BRINP3: variants seen among roughly 807,000 people sequenced by gnomAD.
The protein encoded by BRINP3 is BMP/retinoic acid-inducible neural-specific protein 3.
Under a neutral mutation model 71.0 loss-of-function variants are expected in BRINP3, and 19 were observed. The ratio of observed to expected loss-of-function variants is 0.27; its 90% CI spans 0.19 to 0.39. BRINP3 has a LOEUF of 0.39. Among genes scored for constraint, BRINP3 ranks in the 10% least tolerant of loss-of-function variants. BRINP3 has a pLI of 1.00. For missense variants in BRINP3, 959 were observed against 940.8 expected, an observed-to-expected ratio of 1.02 and a Z score of -0.25; for synonymous variants, 380 against 337.7, an observed-to-expected ratio of 1.13 and a Z score of -1.37.
intron 6 of BRINP3, among the ~76,000 whole-genome samples, chr1:190,203,889 G>A (rs1229016486): frequency 2.1e-5 from 3 of 144,692 alleles, no homozygotes; most frequent in Non-Finnish European, 3.0e-5. Flanking sequence ...ATTTCAAACT[G>A]AAATAATGAT....
intron 5 of BRINP3, among the ~76,000 whole-genome samples, chr1:190,233,592 T>C (rs564837944): frequency 6.6e-6 from 1 of 152,178 alleles, no homozygotes; most frequent in Non-Finnish European, 1.5e-5. Context: ...CTCTAAGTTA[T>C]GCAATTCAAA....
chr1:190,288,959 G>T (rs983703418), intron 2 of BRINP3, among the ~76,000 whole-genome samples: 4 of 151,594 alleles, frequency 2.6e-5, no homozygotes, highest in Admixed American at 6.6e-5. Flanking sequence ...CAATTATTTA[G>T]GCAACATTTC....
At chr1:190,300,115 A>T (rs1466427438) in intron 2 of BRINP3, among the ~76,000 whole-genome samples, 1 of 152,116 alleles carries the variant, frequency 6.6e-6, no homozygotes, top group African/African-American at 2.4e-5. Context: ...AGATTGTGGA[A>T]GTTCTCCTGG....
chr1:190,359,197 C>T (rs1184208865), intron 2 of BRINP3, among the ~76,000 whole-genome samples: 1 of 151,736 alleles, frequency 6.6e-6, no homozygotes, highest in East Asian at 1.9e-4. Context: ...AAAACAAAAG[C>T]TATTAAAACA....
chr1:190,164,825 A>G (rs1651347061), intron 6 of BRINP3, among the ~76,000 whole-genome samples: 1 of 151,592 alleles, frequency 6.6e-6, no homozygotes, highest in East Asian at 1.9e-4. Context: ...CTCCCATCTC[A>G]TCGACCCAAA....
chr1:190,329,022 T>G (rs1267452049), intron 2 of BRINP3, among the ~76,000 whole-genome samples: 2 of 151,918 alleles, frequency 1.3e-5, no homozygotes. Context: ...GGCACATACC[T>G]CGAAATAATA....
intron 2 of BRINP3, among the ~76,000 whole-genome samples, chr1:190,384,614 A>C (rs1332421743): frequency 1.3e-5 from 2 of 151,976 alleles, no homozygotes; most frequent in African/African-American, 4.8e-5. Flanking sequence ...CACTACTCCA[A>C]GTCTTTTTCT....
chr1:190,396,220 C>T (rs1021833498), intron 2 of BRINP3, among the ~76,000 whole-genome samples: 5 of 151,890 alleles, frequency 3.3e-5, no homozygotes, highest in African/African-American at 1.2e-4. Flanking sequence ...TTGAAATCCA[C>T]AGGCAACTTC....
At chr1:190,177,310 C>A (rs1652621700) in intron 6 of BRINP3, among the ~76,000 whole-genome samples, 1 of 149,764 alleles carries the variant, frequency 6.7e-6, no homozygotes, top group Admixed American at 6.6e-5. Flanking sequence ...CTACAGGCGC[C>A]CATTACCATG....
chr1:190,221,669 A>C (rs866055590), intron 6 of BRINP3, among the ~76,000 whole-genome samples: 1 of 152,130 alleles, frequency 6.6e-6, no homozygotes, highest in Non-Finnish European at 1.5e-5. Flanking sequence ...TGCCTTCAAA[A>C]AATCCACTTA....
Position 190,321,918 on chromosome 1 carries a change from G to T in BRINP3, c.237-40168C>A, listed in dbSNP as rs1053882350. On this transcript the variant is annotated intron_variant, in intron 2 of 7. Coordinates refer to ENST00000367462, the MANE Select transcript of BRINP3 (RefSeq NM_199051.3). ...ATGTTGTTGTTCATGTTACATGCAA[G>T]AAAAAGTATAAGCCTACAATTATTA... 2.0e-5 allele frequency among the ~76,000 whole-genome samples: 3 copies of T among 151,996 alleles called. No individual in the cohort carries two copies. In the South Asian group the frequency reaches 6.2e-4, roughly 32 times the overall value.
intron 2 of BRINP3, among the ~76,000 whole-genome samples, chr1:190,415,618 C>T (rs976565723): frequency 6.6e-6 from 1 of 152,118 alleles, no homozygotes; most frequent in Non-Finnish European, 1.5e-5. Flanking sequence ...TTTAAAAAAT[C>T]TTCAGCTGGG....
At chr1:190,169,978 C>G (rs1191872411) in intron 6 of BRINP3, among the ~76,000 whole-genome samples, 1 of 151,986 alleles carries the variant, frequency 6.6e-6, no homozygotes, top group African/African-American at 2.4e-5. Flanking sequence ...GCAAGCTGTT[C>G]AAAGTGACAC....
intron 2 of BRINP3, among the ~76,000 whole-genome samples, chr1:190,324,688 A>T (rs1272729235): frequency 4.6e-5 from 7 of 151,894 alleles, no homozygotes; most frequent in African/African-American, 1.7e-4. Context: ...CTAAAATATT[A>T]TTTGTAATAT....
intron 5 of BRINP3, among the ~76,000 whole-genome samples, chr1:190,231,611 T>A (rs1004079802): frequency 6.6e-6 from 1 of 151,846 alleles, no homozygotes; most frequent in Non-Finnish European, 1.5e-5. Context: ...TTGAAAAAAA[T>A]TGAAGTATTA....
At chr1:190,156,714 C>T (rs187891391) in intron 7 of BRINP3, among the ~76,000 whole-genome samples, 1 of 151,326 alleles carries the variant, frequency 6.6e-6, no homozygotes. Flanking sequence ...AGGAATTACG[C>T]TAAATTAAAA....
At chr1:190,445,552 A>G (rs1159846817) in intron 2 of BRINP3, among the ~76,000 whole-genome samples, 1 of 149,710 alleles carries the variant, frequency 6.7e-6, no homozygotes, top group Non-Finnish European at 1.5e-5. Flanking sequence ...GCATACACAC[A>G]CGCACGTGCA....
At chr1:190,266,412 C>T (rs1263877151) in intron 3 of BRINP3, among the ~76,000 whole-genome samples, 2 of 152,098 alleles carry the variant, frequency 1.3e-5, no homozygotes, top group African/African-American at 2.4e-5. Context: ...ACTCACATTT[C>T]TTGTTGGTAT....
intron 2 of BRINP3, among the ~76,000 whole-genome samples, chr1:190,295,817 T>C (rs1163999060): frequency 6.6e-6 from 1 of 152,114 alleles, no homozygotes; most frequent in Non-Finnish European, 1.5e-5. Flanking sequence ...CTCTCCCTGG[T>C]ATCAAGAAGG....
Sources: allele counts gnomAD v4.1 joint callset (sites outside exome capture counted in the v4.1 genomes callset), GRCh38; gene constraint gnomAD v4.1.1; transcripts MANE v1.5; gene names NCBI Gene and HGNC (gene_info 2026-07-23, HGNC 2026-07-21).